Variants in MACROD2 observed in about 807,000 individuals in gnomAD.
The protein encoded by MACROD2 is mono-ADP ribosylhydrolase 2.
A neutral mutation model predicts 70.4 loss-of-function variants in MACROD2; 36 were observed. The ratio of observed to expected loss-of-function variants is 0.51; its 90% confidence interval spans 0.39 to 0.68. The LOEUF (loss-of-function observed/expected upper bound fraction) is 0.68. Ranked by LOEUF, MACROD2 falls within the 30% of genes least tolerant of loss-of-function variation. MACROD2 has a pLI of 0.00. For missense variants in MACROD2, 496 were observed against 538.4 expected (o/e 0.92, Z 0.78); for synonymous variants, 172 against 178.8 (o/e 0.96, Z 0.30).
rs554606242 is a variant in MACROD2 at position 14,303,347 on chromosome 20, G to A, written c.272-190132G>A. 1.8e-4 allele frequency among the ~76,000 whole-genome samples: 27 copies of A among 152,206 alleles called. No individual in the cohort carries two copies. In the South Asian group the frequency reaches 5.2e-3, roughly 29 times the overall value. On this transcript the variant is annotated intron_variant, in intron 3 of 17. Transcript: ENST00000684519. ...TAGAGTCCTTGCAAGCATCCACCACGCCCCAGAGAGCTTGTTTTCTGAGGT... is the reference window on the plus strand; with the variant it reads ...TAGAGTCCTTGCAAGCATCCACCACACCCCAGAGAGCTTGTTTTCTGAGGT...
chr20:15,563,900 G>A (rs371586602), intron 8 of MACROD2, among the ~76,000 whole-genome samples: 55 of 152,246 alleles, frequency 3.6e-4, no homozygotes, highest in Admixed American at 4.6e-4. Context: ...TTTAATCAGC[G>A]CTGGAACAAA....
intron 5 of MACROD2, among the ~76,000 whole-genome samples, chr20:14,991,828 C>T (rs2074906894): frequency 6.6e-6 from 1 of 152,138 alleles, no homozygotes; most frequent in Admixed American, 6.5e-5. Flanking sequence ...TTAATTAATG[C>T]TCCAGGTCTA....
At chr20:14,164,030 T>A (rs953579911) in intron 3 of MACROD2, among the ~76,000 whole-genome samples, 2 of 152,132 alleles carry the variant, frequency 1.3e-5, no homozygotes, top group Non-Finnish European at 2.9e-5. Flanking sequence ...GTTTCATGTG[T>A]CCTTATGTTG....
rs1008078034 is a variant in MACROD2 at position 15,230,053 on chromosome 20, C to T, written c.532C>T (p.Arg178Ter). The change falls in exon 6 of 18, where the codon CGA (arginine) becomes TGA (stop). Residue 178 changes from arginine (R) to a stop codon, truncating the protein, a stop_gained. Transcript: ENST00000684519. LOFTEE classifies it high-confidence loss of function. ...SLKLVKENNIRSVAFPCISTG... is the reference protein window; with the variant it reads ...SLKLVKENNI The stretch of plus-strand genomic sequence containing the variant: ...GAAGCTCGTGAAAGAAAATAACATC[C>T]GATCAGTTGTAAGTAATTTTATGTT... The T allele has an allele frequency of 2.5e-6, 4 of 1,612,710 alleles. No homozygotes were observed. Among genetic ancestry groups the T allele is most frequent in the Middle Eastern group, 1.7e-4 (1 of 6,060 alleles).
At chr20:14,147,508 G>C (rs2054957360) in intron 3 of MACROD2, among the ~76,000 whole-genome samples, 1 of 152,132 alleles carries the variant, frequency 6.6e-6, no homozygotes, top group Non-Finnish European at 1.5e-5. Context: ...TTCTTGCTAT[G>C]GGACAGTTAT....
chr20:15,394,504 C>G (rs193129278), intron 6 of MACROD2, among the ~76,000 whole-genome samples: 13 of 152,304 alleles, frequency 8.5e-5, no homozygotes, highest in Middle Eastern at 3.4e-3. Context: ...AATTATTCCT[C>G]TTGCACAGTC....
At chr20:15,768,958 G>A (rs1326789956) in intron 8 of MACROD2, among the ~76,000 whole-genome samples, 2 of 152,096 alleles carry the variant, frequency 1.3e-5, no homozygotes, top group Non-Finnish European at 2.9e-5. Context: ...GTCTTCAGGG[G>A]TGATATACTC....
rs1017029192 is a variant in MACROD2 at position 15,530,671 on chromosome 20, C to T, written c.645+30824C>T. Reference sequence around the variant, plus strand: ...GGCATGAACCCGGGAGCCGAGATTGCGCCACTGCACTCTATCCTGGGTGAC... The same window carrying T: ...GGCATGAACCCGGGAGCCGAGATTGTGCCACTGCACTCTATCCTGGGTGAC... On this transcript the variant is annotated intron_variant, in intron 8 of 17. Coordinates refer to ENST00000684519, the MANE Select transcript of MACROD2 (RefSeq NM_001351661.2). Among the ~76,000 whole-genome samples the T allele has an allele frequency of 1.6e-3, 229 of 146,690 alleles. 2 individuals carry two copies. Among genetic ancestry groups the T allele is most frequent in the African/African-American group, 5.7e-3 (222 of 39,268 alleles).
At position 14,967,406 on chromosome 20, in the gene MACROD2, C is replaced by T. The variant is rs182365788; in HGVS notation, c.419-262534C>T. Among the ~76,000 whole-genome samples, 356 of 152,204 alleles carry T rather than the reference C, an allele frequency of 2.3e-3. 8 individuals are homozygous for T. The highest frequency in any genetic ancestry group is 3.4e-4 in the Non-Finnish European group (23 of 68,006). ...CTCGAATTCCTGAACTCAGGCAATC[C>T]GCCCGCCTCGGCCTCCCAAAGTGCT... is the stretch of plus-strand genomic sequence containing the variant. On this transcript the variant is annotated intron_variant, in intron 5 of 17. Coordinates refer to ENST00000684519, the MANE Select transcript of MACROD2 (RefSeq NM_001351661.2).
chr20:15,525,799 T>C (rs900330921), intron 8 of MACROD2, among the ~76,000 whole-genome samples: 3 of 152,188 alleles, frequency 2.0e-5, no homozygotes, highest in African/African-American at 7.2e-5. Flanking sequence ...AACCTCTTTT[T>C]ATATAAACTT....
chr20:14,605,636 A>C (rs955727067), intron 4 of MACROD2, among the ~76,000 whole-genome samples: 1 of 152,080 alleles, frequency 6.6e-6, no homozygotes, highest in Admixed American at 6.6e-5. Flanking sequence ...TGTAATCTAA[A>C]ATTTTTTCAA....
intron 7 of MACROD2, among the ~76,000 whole-genome samples, chr20:15,474,022 C>T (rs931912025): frequency 2.0e-5 from 3 of 152,218 alleles, no homozygotes; most frequent in Admixed American, 6.5e-5. Context: ...TAGGCAAACT[C>T]ATGCCATTGC....
intron 4 of MACROD2, among the ~76,000 whole-genome samples, chr20:14,523,641 A>G (rs1309873827): frequency 6.6e-6 from 1 of 152,164 alleles, no homozygotes; most frequent in African/African-American, 2.4e-5. Flanking sequence ...TCTGTTCTCC[A>G]CAGTCACAAA....
intron 5 of MACROD2, among the ~76,000 whole-genome samples, chr20:14,889,328 C>A (rs574260747): frequency 1.3e-5 from 2 of 152,036 alleles, no homozygotes; most frequent in African/African-American, 4.8e-5. Flanking sequence ...GAGGTAGGGG[C>A]AGGTGATGCA....
chr20:15,390,303 C>T (rs73267100), intron 6 of MACROD2, among the ~76,000 whole-genome samples: 108 of 152,254 alleles, frequency 7.1e-4, no homozygotes, highest in African/African-American at 2.6e-3. Flanking sequence ...TCTCCAAACC[C>T]CCTATGAAAT....
intron 4 of MACROD2, among the ~76,000 whole-genome samples, chr20:14,515,463 A>ACACACACACGCGCGCGCGCGCG (rs34190778): frequency 3.4e-4 from 47 of 138,904 alleles, no homozygotes; most frequent in African/African-American, 1.3e-3. Flanking sequence ...ATACACACAC[A>ACACACACACGCGCGCGCGCGCG]CGCACACACA....
At chr20:15,320,569 A>G (rs1454921457) in intron 6 of MACROD2, among the ~76,000 whole-genome samples, 3 of 152,200 alleles carry the variant, frequency 2.0e-5, no homozygotes, top group Admixed American at 6.5e-5. Flanking sequence ...ATAAGTTAAG[A>G]TATAAATATC....
chr20:15,692,216 T>C (rs61709274), intron 8 of MACROD2, among the ~76,000 whole-genome samples: 3,692 of 152,152 alleles, frequency 0.024, 157 homozygotes, highest in African/African-American at 0.086. Flanking sequence ...TGTCTACTGA[T>C]TGATGGATTG....
intron 8 of MACROD2, among the ~76,000 whole-genome samples, chr20:15,853,888 T>C (rs1568598784): frequency 6.6e-6 from 1 of 152,146 alleles, no homozygotes. Context: ...AATGTCTCCA[T>C]TTTAGAGATG....
Sources: allele counts gnomAD v4.1 joint callset (sites outside exome capture counted in the v4.1 genomes callset), GRCh38; gene constraint gnomAD v4.1.1; transcripts MANE v1.5; gene names NCBI Gene and HGNC (gene_info 2026-07-23, HGNC 2026-07-21).